ATP12A: variants seen among roughly 807,000 people sequenced by gnomAD.
ATP12A encodes ATPase H+/K+ transporting non-gastric alpha2 subunit, also known as potassium-transporting ATPase alpha chain 2.
In ATP12A, 81 loss-of-function variants were observed where a neutral mutation model predicts 111.2. That is an observed-to-expected ratio of 0.73 (90% CI 0.61 to 0.88). The LOEUF (loss-of-function observed/expected upper bound fraction) is 0.88. ATP12A is among the 40% of genes least tolerant of loss of function. The pLI is 0.00. For synonymous variants in ATP12A, 498 were observed against 499.8 expected, an observed-to-expected ratio of 1.00 and a Z score of 0.05; for missense variants, 1,196 against 1,313.1, an observed-to-expected ratio of 0.91 and a Z score of 1.38.
Position 24,685,209 on chromosome 13 carries a change from C to A in ATP12A, c.169-105C>A. ...TCCCCCACACTCCTCGATCCCCTCC[C>A]ATCCTCAGGGCTGCTACTCCCAGCT... is the stretch of plus-strand genomic sequence containing the variant. On this transcript the variant is annotated intron_variant, in intron 2 of 22. Coordinates refer to ENST00000381946, the MANE Select transcript of ATP12A (RefSeq NM_001676.7). This position sits in a 1 kb window ranked among gnomAD's most constrained non-coding sequence, Gnocchi z 5.5. 9.5e-7 allele frequency: 1 copy of A among 1,058,088 alleles called. No homozygotes were observed. Among genetic ancestry groups the A allele is most frequent in the Non-Finnish European group, 1.5e-6 (1 of 680,586 alleles). The allele number at this position is 1,058,088 out of a possible 1,614,324, so 65.5% of individuals were successfully genotyped here.
chr13:24,710,586 C>A lies in ATP12A; in HGVS notation c.2890C>A (p.Leu964Ile), dbSNP rs1290308348. Residue 964 changes from leucine to isoleucine, a missense_variant, in exon 20 of 23, where the codon CTC becomes ATC. Physicochemically the swap from Leu to Ile is conservative, Grantham distance 5. Coordinates refer to ENST00000381946, the MANE Select transcript of ATP12A (RefSeq NM_001676.7). ...TRRNSIFQQG[L>I]FRNKVIWVGI... ...GAGGAATTCCATCTTCCAGCAGGGT[C>A]TCTTCAGGTACTGCCTGTGCCCGGC... is the stretch of plus-strand genomic sequence containing the variant. 6.2e-7 allele frequency: 1 copy of A among 1,614,186 alleles called. No individual in the cohort carries two copies. Among genetic ancestry groups the A allele is most frequent in the Non-Finnish European group, 8.5e-7 (1 of 1,180,036 alleles).
At chr13:24,694,291 C>A (rs559825280) in intron 10 of ATP12A, among the ~76,000 whole-genome samples, 153 bp from the exon 11 acceptor site, 28 of 152,350 alleles carry the variant, frequency 1.8e-4, no homozygotes, top group Non-Finnish European at 3.2e-4. Context: ...TGTTTACACG[C>A]TTACCACGGT....
At position 24,690,976 on chromosome 13, in the gene ATP12A, C is replaced by T; in HGVS notation, c.800-6C>T. On this transcript the variant is annotated splice_polypyrimidine_tract_variant and splice_region_variant and intron_variant, in intron 7 of 22. Coordinates refer to ENST00000381946, the MANE Select transcript of ATP12A (RefSeq NM_001676.7). ...CCCTGGAATAAAGCATCTACTTCCC[C>T]TGTAGGCACTGTCACCGGCATGGTT... 1 of 1,614,072 alleles carries T rather than the reference C, an allele frequency of 6.2e-7. No homozygotes were observed. Among genetic ancestry groups the T allele is most frequent in the Non-Finnish European group, 8.5e-7 (1 of 1,179,942 alleles).
At position 24,692,461 on chromosome 13, in the gene ATP12A, C is replaced by G. The variant is rs553240041; in HGVS notation, c.1101C>G (p.Ala367=). 1.2e-6 allele frequency: 2 copies of G among 1,614,036 alleles called. No individual in the cohort carries two copies. The highest frequency in any genetic ancestry group is 2.2e-5 in the East Asian group (1 of 44,870). The change falls in exon 9 of 23, where the codon GCC becomes GCG. Residue 367 remains alanine (A), a synonymous_variant. Coordinates refer to ENST00000381946, the MANE Select transcript of ATP12A (RefSeq NM_001676.7). ...TGTCGCTGACAGCAAAACGGATGGC[C>G]AAGAAGAACTGCCTGGTGAAGAACC... The part of the protein sequence containing the change: ...VTLSLTAKRM[A]KKNCLVKNLE...
intron 17 of ATP12A, 152 bp downstream of exon 17, chr13:24,707,585 C>G (rs1875730220): frequency 9.5e-7 from 1 of 1,048,996 alleles, no homozygotes; most frequent in Admixed American, 2.7e-5. Flanking sequence ...CACAGGTTCT[C>G]AGGTGGTGCC....
chr13:24,689,490 G>A lies in ATP12A; in HGVS notation c.546+115G>A, dbSNP rs535707553. ...GGTTTCCACTTCCTTCCCTGTCGGA[G>A]CAATCGTGGGCGAATTAACCCATCT... On this transcript the variant is annotated intron_variant, in intron 5 of 22. Transcript: ENST00000381946. The A allele has an allele frequency of 2.3e-5, 19 of 844,044 alleles. No individual in the cohort carries two copies. The East Asian group carries it at 3.7e-4, about 17-fold the overall frequency. The allele number at this position is 844,044 out of a possible 1,614,324, so 52.3% of individuals were successfully genotyped here. A position where few individuals can be genotyped will look rare whatever the true frequency, so the allele number is the denominator to read the frequency against.
chr13:24,710,146 T>C (rs1875899596), intron 19 of ATP12A, among the ~76,000 whole-genome samples: 1 of 152,186 alleles, frequency 6.6e-6, no homozygotes, highest in Non-Finnish European at 1.5e-5. Context: ...GGCTAATGCC[T>C]ATAATCCCAG....
chr13:24,702,387 G>A lies in ATP12A; in HGVS notation c.2018+316G>A, dbSNP rs558933462. Among the ~76,000 whole-genome samples, 5 of 152,368 alleles carry A rather than the reference G, an allele frequency of 3.3e-5. No individual in the cohort carries two copies. The South Asian group carries it at 6.2e-4, about 19-fold the overall frequency. On this transcript the variant is annotated intron_variant, in intron 14 of 22. Coordinates refer to ENST00000381946, the MANE Select transcript of ATP12A (RefSeq NM_001676.7). ...AAAAACTGAAACAAAGGGTTTATGT[G>A]AAATTACTTGCCATAGATGCAGTTG...
intron 14 of ATP12A, among the ~76,000 whole-genome samples, chr13:24,705,816 C>T (rs1875605350): frequency 6.6e-6 from 1 of 152,106 alleles, no homozygotes; most frequent in Non-Finnish European, 1.5e-5. Context: ...ACCACAGGCA[C>T]ATGCCACCAT....
chr13:24,688,520 A>T lies in ATP12A; in HGVS notation c.430A>T (p.Asn144Tyr). 6.3e-7 allele frequency: 1 copy of T among 1,578,654 alleles called. No individual in the cohort carries two copies. The highest frequency in any genetic ancestry group is 2.3e-5 in the East Asian group (1 of 44,176). ...YSSDKSASLN[N>Y]VYLGCVLGLV... Reference sequence around the variant, plus strand: ...CAGCGACAAGTCTGCATCCCTGAACAACGTAAGGCTCTGGGGTGTCCCCTC... The same window carrying T: ...CAGCGACAAGTCTGCATCCCTGAACTACGTAAGGCTCTGGGGTGTCCCCTC... Residue 144 changes from asparagine to tyrosine, a missense_variant and splice_region_variant, in exon 4 of 23, where the codon AAC (asparagine) becomes TAC (tyrosine). Transcript: ENST00000381946.
Position 24,706,327 on chromosome 13 carries a change from C to T in ATP12A, c.2033C>T (p.Ala678Val). The change falls in exon 15 of 23, where the codon GCT becomes GTT. Residue 678 changes from alanine (A) to valine (V), a missense_variant. Coordinates refer to ENST00000381946, the MANE Select transcript of ATP12A (RefSeq NM_001676.7). ...EQVNKRDAKA[A>V]VVTGMELKDM... Reference sequence around the variant, plus strand: ...GGCCCTTCTAGGGATGCCAAGGCCGCTGTGGTGACTGGCATGGAGCTGAAG... The same window carrying T: ...GGCCCTTCTAGGGATGCCAAGGCCGTTGTGGTGACTGGCATGGAGCTGAAG... The T allele has an allele frequency of 6.2e-7, 1 of 1,614,122 alleles. No homozygotes were observed. The highest frequency in any genetic ancestry group is 1.1e-5 in the South Asian group (1 of 91,072).
chr13:24,707,177 CA>C lies in ATP12A; in HGVS notation c.2325del (p.Val777TrpfsTer6), dbSNP rs1429335286. 2 of 1,613,628 alleles carry C rather than the reference CA, an allele frequency of 1.2e-6. No individual in the cohort carries two copies. Among genetic ancestry groups the C allele is most frequent in the African/African-American group, 2.7e-5 (2 of 74,914 alleles). On this transcript the variant is annotated frameshift_variant, in exon 16 of 23. Coordinates refer to ENST00000381946, the MANE Select transcript of ATP12A (RefSeq NM_001676.7). LOFTEE classifies it high-confidence loss of function. ...LLDDNFASIV[T>X]GVEEGRLIFD... ...GACGACAACTTCGCATCCATCGTCA[CA>C]GGGGTGGAGGAAGGTGAGTGAGTCT...
chr13:24,685,493 A>T lies in ATP12A; in HGVS notation c.228+120A>T, dbSNP rs796917335. On this transcript the variant is annotated intron_variant, in intron 3 of 22. Coordinates refer to ENST00000381946, the MANE Select transcript of ATP12A (RefSeq NM_001676.7). This position sits in a 1 kb window ranked among gnomAD's most constrained non-coding sequence, Gnocchi z 5.5. The stretch of plus-strand genomic sequence containing the variant: ...CACCTTTAGGAGGAGGGGCCCCTGC[A>T]GCGCCTTTGAGACTGCAGTTATTTG... 8.5e-6 allele frequency: 8 copies of T among 936,068 alleles called. No homozygotes were observed. The African/African-American group carries it at 1.3e-4, about 15-fold the overall frequency. 58.0% of individuals were successfully genotyped at this position (936,068 alleles called of 1,614,324 possible).
At chr13:24,700,992 T>A in intron 13 of ATP12A, 70 bp downstream of exon 13, 2 of 1,532,728 alleles carry the variant, frequency 1.3e-6, no homozygotes, top group East Asian at 2.3e-5. Flanking sequence ...ATGGTTTTCA[T>A]AGCAGATGGT....
rs12866274 is a variant in ATP12A at position 24,690,471 on chromosome 13, G to A, written c.680G>A (p.Arg227Gln). The change falls in exon 6 of 23, where the codon CGG (arginine) becomes CAG (glutamine). Residue 227 changes from arginine (R) to glutamine (Q), a missense_variant and splice_region_variant. By Grantham distance (43) the Arg-to-Gln change is conservative. This residue lies in a region of ATP12A where 1,126 missense variants were observed against 1,228.5 expected (regional missense o/e 0.92). Coordinates refer to ENST00000381946, the MANE Select transcript of ATP12A (RefSeq NM_001676.7). ...AGGGTGCTGTCTTCTCAGGGGTGTC[G>A]GGTAAGCGGCAAGGGGTATCCACCC... ...DIRVLSSQGC[R>Q]VDNSSLTGES... 351 of 1,613,700 alleles carry A rather than the reference G, an allele frequency of 2.2e-4. No individual in the cohort carries two copies. Among genetic ancestry groups the A allele is most frequent in the Non-Finnish European group, 2.8e-4 (333 of 1,179,862 alleles).
chr13:24,707,230 G>A, intron 16 of ATP12A, 39 bp downstream of exon 16: 1 of 1,613,602 alleles, frequency 6.2e-7, no homozygotes. Flanking sequence ...GGGCCAGGGT[G>A]GTCTGGGGGA....
intron 11 of ATP12A, among the ~76,000 whole-genome samples, chr13:24,698,057 T>G (rs2137707774): frequency 6.6e-6 from 1 of 152,248 alleles, no homozygotes; most frequent in South Asian, 2.1e-4. Flanking sequence ...GCATATCTTA[T>G]TAGGATGGAT....
intron 17 of ATP12A, 98 bp downstream of exon 17, chr13:24,707,531 G>A (rs1265578472): frequency 6.8e-7 from 1 of 1,476,750 alleles, no homozygotes; most frequent in East Asian, 2.3e-5. Context: ...CTAACTCAAG[G>A]CTTCTCAGCT....
intron 2 of ATP12A, among the ~76,000 whole-genome samples, chr13:24,682,120 T>G (rs1566068002): frequency 1.8e-4 from 18 of 101,712 alleles, no homozygotes; most frequent in Non-Finnish European, 2.1e-4. Context: ...GTGTGTGTGG[T>G]GTGTGTGTGT....
Sources: allele counts gnomAD v4.1 joint callset (sites outside exome capture counted in the v4.1 genomes callset), GRCh38; gene constraint gnomAD v4.1.1; regional missense constraint gnomAD v4.1.1; non-coding constraint Gnocchi (gnomAD v3.1); transcripts MANE v1.5; gene names NCBI Gene and HGNC (gene_info 2026-07-23, HGNC 2026-07-21).